Variants in PTS observed in about 807,000 individuals in gnomAD.
PTS encodes 6-pyruvoyl tetrahydrobiopterin synthase.
Under a neutral mutation model 20.6 loss-of-function variants are expected in PTS, and 23 were observed. The observed-to-expected ratio is 1.12, with a 90% CI of 0.80 to 1.58. PTS has a LOEUF of 1.58. Among genes scored for constraint, PTS ranks in the 40% most tolerant of loss-of-function variants. The pLI is 0.00. For missense variants in PTS, 186 were observed against 182.4 expected, an observed-to-expected ratio of 1.02 and a Z score of -0.11; for synonymous variants, 65 against 62.5, an observed-to-expected ratio of 1.04 and a Z score of -0.19.
chr11:112,232,296 A>T (rs1403253427), intron 4 of PTS, among the ~76,000 whole-genome samples: 2 of 152,198 alleles, frequency 1.3e-5, no homozygotes, highest in Non-Finnish European at 2.9e-5. Context: ...TAATGGAGAA[A>T]TTGGGACTGG....
In PTS at chr11:112,233,435, G is replaced by A. The variant is rs568878711; in HGVS notation, c.318G>A (p.Thr106=). 3.4e-5 allele frequency: 55 copies of A among 1,609,098 alleles called. No individual in the cohort carries two copies. In the South Asian group the frequency reaches 4.1e-4, roughly 12 times the overall value. ...TTTTTGTTTTTTTTTCTTATAGCAC[G>A]ACTGAAAATGTAGCTGTTTATATCT... ...DVPYFADVVS[T]TENVAVYIWD... The change falls in exon 6 of 6, where the codon ACG becomes ACA. Residue 106 remains threonine (T), a synonymous_variant. Transcript: ENST00000280362.
At chr11:112,230,069 A>G in intron 2 of PTS, 139 bp from the exon 3 acceptor site, 1 of 864,788 alleles carries the variant, frequency 1.2e-6, no homozygotes. Context: ...GTTTTGGGGT[A>G]AATATTTAAG....
chr11:112,232,317 G>A (rs1859949426), intron 4 of PTS, among the ~76,000 whole-genome samples: 1 of 152,190 alleles, frequency 6.6e-6, no homozygotes, highest in African/African-American at 2.4e-5. Flanking sequence ...AACTGGGATT[G>A]AAGATGAAGC....
chr11:112,232,284 T>C (rs1281901625), intron 4 of PTS, among the ~76,000 whole-genome samples: 1 of 152,200 alleles, frequency 6.6e-6, no homozygotes, highest in African/African-American at 2.4e-5. Context: ...CATAAGAGGC[T>C]TTAATGGAGA....
chr11:112,230,544 C>G, intron 3 of PTS, 82 bp from the exon 4 acceptor site: 5 of 1,238,996 alleles, frequency 4.0e-6, no homozygotes, highest in Non-Finnish European at 6.0e-6. Context: ...AGTCTCTGCA[C>G]ATTGTACTGC....
chr11:112,233,161 A>G lies in PTS; in HGVS notation c.244-2A>G. The G allele has an allele frequency of 1.2e-6, 2 of 1,613,424 alleles. No homozygotes were observed. The highest frequency in any genetic ancestry group is 8.5e-7 in the Non-Finnish European group (1 of 1,179,340). On this transcript the variant is annotated splice_acceptor_variant, in intron 4 of 5. Coordinates refer to ENST00000280362, the MANE Select transcript of PTS (RefSeq NM_000317.3). LOFTEE classifies it high-confidence loss of function. ...GATATTTTCCCTTGGTTTTGTCTCTAGGAGGCGATTATGCAGCCCCTTGAT... is the reference window on the plus strand; with the variant it reads ...GATATTTTCCCTTGGTTTTGTCTCTGGGAGGCGATTATGCAGCCCCTTGAT...
intron 5 of PTS, 78 bp from the exon 6 acceptor site, chr11:112,233,354 A>G (rs895541109): frequency 2.2e-5 from 34 of 1,535,118 alleles, no homozygotes; most frequent in Admixed American, 1.1e-4. Context: ...TAGAATTTCT[A>G]TTTTCTGTAA....
intron 2 of PTS, chr11:112,229,395 T>G (rs1859902549): frequency 6.6e-6 from 1 of 152,138 alleles, no homozygotes; most frequent in South Asian, 2.1e-4. Context: ...TTTTTTTTGT[T>G]GTTGTTGTTT....
rs767930539 is a variant in PTS, at chr11:112,233,488, T to C, written c.371T>C (p.Val124Ala). The C allele has an allele frequency of 4.3e-6, 7 of 1,613,512 alleles. No homozygotes were observed. In the Admixed American group the frequency reaches 1.2e-4, roughly 27 times the overall value. ...GACAACCTCCAGAAAGTTCTTCCTG[T>C]AGGAGTTCTTTATAAAGTAAAAGTA... ...IWDNLQKVLPVGVLYKVKVYE... is the reference protein window; with the variant it reads ...IWDNLQKVLPAGVLYKVKVYE... The change falls in exon 6 of 6, where the codon GTA (valine) becomes GCA (alanine). Residue 124 changes from valine to alanine, a missense_variant. Transcript: ENST00000280362.
In PTS at chr11:112,229,950, C is replaced by A. The variant is rs76051337; in HGVS notation, c.164-258C>A. ...ACATAAGCAGAATTTACACCCTTTT[C>A]AGCCTTGGCCGAGTGCCTCTGCTTA... On this transcript the variant is annotated intron_variant, in intron 2 of 5. Coordinates refer to ENST00000280362, the MANE Select transcript of PTS (RefSeq NM_000317.3). 0.017 allele frequency: 9,131 copies of A among 551,806 alleles called. 146 individuals carry two copies. Among genetic ancestry groups the A allele is most frequent in the South Asian group, 0.038 (1,840 of 48,728 alleles). 34.2% of individuals were successfully genotyped at this position (551,806 alleles called of 1,614,324 possible). A position where few individuals can be genotyped will look rare whatever the true frequency, so the allele number is the denominator to read the frequency against.
In PTS at chr11:112,233,490, G is replaced by A; in HGVS notation, c.373G>A (p.Gly125Arg). 1.9e-6 allele frequency: 3 copies of A among 1,613,308 alleles called. No homozygotes were observed. The highest frequency in any genetic ancestry group is 2.5e-6 in the Non-Finnish European group (3 of 1,179,750). ...WDNLQKVLPV[G>R]VLYKVKVYET... Reference sequence around the variant, plus strand: ...CAACCTCCAGAAAGTTCTTCCTGTAGGAGTTCTTTATAAAGTAAAAGTATA... The same window carrying A: ...CAACCTCCAGAAAGTTCTTCCTGTAAGAGTTCTTTATAAAGTAAAAGTATA... The change falls in exon 6 of 6, where the codon GGA (glycine) becomes AGA (arginine). Residue 125 changes from glycine to arginine, a missense_variant. By Grantham distance (125) the Gly-to-Arg change is moderately radical. Transcript: ENST00000280362.
At chr11:112,233,402 T>C in intron 5 of PTS, 30 bp from the exon 6 acceptor site, 1 of 1,582,626 alleles carries the variant, frequency 6.3e-7, no homozygotes, top group African/African-American at 1.4e-5. Flanking sequence ...CATTTTGAAT[T>C]TTTTTTGTTT....
intron 1 of PTS, among the ~76,000 whole-genome samples, chr11:112,227,825 C>T (rs1859884991): frequency 6.6e-6 from 1 of 151,754 alleles, no homozygotes; most frequent in South Asian, 2.1e-4. Context: ...CACATTTCAA[C>T]ATGACAATTG....
intron 4 of PTS, 94 bp from the exon 5 acceptor site, chr11:112,233,069 A>G: frequency 8.8e-7 from 1 of 1,142,116 alleles, no homozygotes; most frequent in Non-Finnish European, 1.3e-6. Context: ...TTAGTGGCTA[A>G]GTGATAAGGT....
chr11:112,229,793 C>T (rs1859906724), intron 2 of PTS, among the ~76,000 whole-genome samples: 1 of 152,290 alleles, frequency 6.6e-6, no homozygotes. Context: ...ATTTAAGGCC[C>T]AGTAGTATTG....
At chr11:112,230,578 A>G (rs764766428) in intron 3 of PTS, 48 bp from the exon 4 acceptor site, 1 of 1,497,614 alleles carries the variant, frequency 6.7e-7, no homozygotes, top group South Asian at 1.1e-5. Flanking sequence ...CCAGCCGTTT[A>G]ATATGGAGAG....
In PTS at chr11:112,230,628, T is replaced by C. The variant is rs749370466; in HGVS notation, c.189T>C (p.Ile63=). 6.2e-7 allele frequency: 1 copy of C among 1,608,694 alleles called. No individual in the cohort carries two copies. The highest frequency in any genetic ancestry group is 1.1e-5 in the South Asian group (1 of 90,948). Residue 63 remains isoleucine (I), a splice_region_variant and synonymous_variant, in exon 4 of 6, where the codon ATT becomes ATC. Coordinates refer to ENST00000280362, the MANE Select transcript of PTS (RefSeq NM_000317.3). The part of the protein sequence containing the change: ...YKVVVTVHGE[I]DPATGMVMNL... ...ATTCACCTTTGTTTATTCTTTAGATTGACCCTGCTACGGGAATGGTTATGA... is the reference window on the plus strand; with the variant it reads ...ATTCACCTTTGTTTATTCTTTAGATCGACCCTGCTACGGGAATGGTTATGA...
chr11:112,229,785 T>C (rs1859906636), intron 2 of PTS, among the ~76,000 whole-genome samples: 1 of 152,204 alleles, frequency 6.6e-6, no homozygotes, highest in Non-Finnish European at 1.5e-5. Flanking sequence ...GGACAAGAAT[T>C]TAAGGCCCAG....
At chr11:112,228,700 G>T in intron 2 of PTS, 27 bp downstream of exon 2, 1 of 1,573,224 alleles carries the variant, frequency 6.4e-7, no homozygotes, top group Non-Finnish European at 8.7e-7. Flanking sequence ...TGACATTTCA[G>T]CCCTTCAATA....
Sources: allele counts gnomAD v4.1 joint callset (sites outside exome capture counted in the v4.1 genomes callset), GRCh38; gene constraint gnomAD v4.1.1; transcripts MANE v1.5; gene names NCBI Gene and HGNC (gene_info 2026-07-23, HGNC 2026-07-21).